The following SUPT6H variants were observed in gnomAD, a reference collection of about 807,000 sequenced individuals.
SUPT6H encodes the protein transcription elongation factor SPT6.
Under a neutral mutation model 222.3 loss-of-function variants are expected in SUPT6H, and 11 were observed. The ratio of observed to expected loss-of-function variants is 0.05; its 90% CI spans 0.03 to 0.08. The LOEUF is 0.08. Among genes scored for constraint, SUPT6H ranks in the 10% least tolerant of loss-of-function variants. The probability of loss-of-function intolerance (pLI) is 1.00; values close to 1 mark genes in which losing one functional copy is unlikely to be tolerated. For missense variants in SUPT6H, 1,422 were observed against 2,216.0 expected, an observed-to-expected ratio of 0.64 and a Z score of 7.19; for synonymous variants, 762 against 801.2, an observed-to-expected ratio of 0.95 and a Z score of 0.83.
intron 17 of SUPT6H, 58 bp from the exon 18 acceptor site, chr17:28,684,528 G>A (rs1315579792): frequency 1.7e-5 from 27 of 1,601,336 alleles, no homozygotes; most frequent in Non-Finnish European, 2.2e-5. Flanking sequence ...CACTCTTGGT[G>A]AGCCTGATGA....
At chr17:28,664,999 A>G (rs2029931097) in intron 1 of SUPT6H, among the ~76,000 whole-genome samples, 1 of 152,168 alleles carries the variant, frequency 6.6e-6, no homozygotes, top group South Asian at 2.1e-4. Context: ...GGCTACCACA[A>G]CAGTATCTTC....
chr17:28,677,217 CAA>C (rs770661947), intron 7 of SUPT6H, among the ~76,000 whole-genome samples: 13 of 132,234 alleles, frequency 9.8e-5, no homozygotes, highest in South Asian at 2.4e-4. Context: ...TACTAAAATA[CAA>C]AAAAAAAAAA....
rs1454921107 is a variant in SUPT6H, at chr17:28,686,434, A to G, written c.2564+19A>G. On this transcript the variant is annotated intron_variant, in intron 20 of 36. Transcript: ENST00000314616. ...AGAACAGGTAGGTAGGGATTAGACC[A>G]CACCTGGTTTAAGGCCGTGACCCAA... The G allele has an allele frequency of 7.4e-6, 12 of 1,611,766 alleles. No individual in the cohort carries two copies. Among genetic ancestry groups the G allele is most frequent in the Non-Finnish European group, 1.0e-5 (12 of 1,178,148 alleles).
intron 19 of SUPT6H, 77 bp downstream of exon 19, chr17:28,685,038 T>G: frequency 1.5e-6 from 2 of 1,359,384 alleles, no homozygotes; most frequent in Non-Finnish European, 2.0e-6. Context: ...GTGTTTACGG[T>G]CTAAGCAACA....
At chr17:28,700,830 G>A in intron 35 of SUPT6H, 111 bp from the exon 36 acceptor site, 1 of 1,323,064 alleles carries the variant, frequency 7.6e-7, no homozygotes, top group Non-Finnish European at 1.1e-6. Context: ...ATACTCAGTG[G>A]AAGATCATCT....
rs2031629769 is a variant in SUPT6H, at chr17:28,691,272, A to G, written c.3633+209A>G. On this transcript the variant is annotated intron_variant, in intron 27 of 36. Coordinates refer to ENST00000314616, the MANE Select transcript of SUPT6H (RefSeq NM_003170.5). ...CTGGGCACGGTGGCTCACGCCTATAATCCTAGCACTTTGGGGGCCAAGGTG... is the reference window on the plus strand; with the variant it reads ...CTGGGCACGGTGGCTCACGCCTATAGTCCTAGCACTTTGGGGGCCAAGGTG... 8 of 601,694 alleles carry G rather than the reference A, an allele frequency of 1.3e-5. No homozygotes were observed. The Admixed American group carries it at 1.9e-4, about 14-fold the overall frequency. 37.3% of individuals were successfully genotyped at this position (601,694 alleles called of 1,614,324 possible). A position where few individuals can be genotyped will look rare whatever the true frequency, so the allele number is the denominator to read the frequency against.
chr17:28,690,276 C>CTG (rs1567699996), intron 26 of SUPT6H, 47 bp downstream of exon 26: 1 of 1,602,948 alleles, frequency 6.2e-7, no homozygotes, highest in Admixed American at 1.7e-5. Flanking sequence ...GGTGTGTTTA[C>CTG]TGTGTACATT....
chr17:28,672,145 T>C (rs1206096985), intron 1 of SUPT6H, among the ~76,000 whole-genome samples: 1 of 152,226 alleles, frequency 6.6e-6, no homozygotes, highest in Non-Finnish European at 1.5e-5. Context: ...AGATTTTGCT[T>C]TTGACTTTGC....
intron 35 of SUPT6H, 46 bp from the exon 36 acceptor site, chr17:28,700,895 A>C (rs2032102376): frequency 6.4e-7 from 1 of 1,563,152 alleles, no homozygotes; most frequent in African/African-American, 1.4e-5. Context: ...AGCAAGGCCA[A>C]ACAAGCCCCA....
intron 28 of SUPT6H, 84 bp from the exon 29 acceptor site, chr17:28,695,268 G>T: frequency 7.0e-7 from 1 of 1,418,894 alleles, no homozygotes; most frequent in East Asian, 2.4e-5. Context: ...CTTTCTGCCT[G>T]GACTTTGGTT....
intron 6 of SUPT6H, among the ~76,000 whole-genome samples, chr17:28,675,813 C>T (rs746425292): frequency 1.3e-5 from 2 of 152,024 alleles, no homozygotes; most frequent in Non-Finnish European, 2.9e-5. Flanking sequence ...GACAAATGCC[C>T]GCATCACAAT....
At chr17:28,666,368 G>C (rs1342168303) in intron 1 of SUPT6H, among the ~76,000 whole-genome samples, 1 of 152,128 alleles carries the variant, frequency 6.6e-6, no homozygotes, top group South Asian at 2.1e-4. Context: ...GAAAAGGAAA[G>C]GTTTGCCAAC....
rs1167520653 is a variant in SUPT6H at position 28,678,532 on chromosome 17, T to G, written c.1117-13T>G. ...GTCTTCTCTGAGTGACTGCAGTCTC[T>G]TTGCCATCCTAGGTGCCTTTTATTG... On this transcript the variant is annotated splice_polypyrimidine_tract_variant and intron_variant, in intron 9 of 36. Coordinates refer to ENST00000314616, the MANE Select transcript of SUPT6H (RefSeq NM_003170.5). 1 of 1,613,716 alleles carries G rather than the reference T, an allele frequency of 6.2e-7. No individual in the cohort carries two copies. Among genetic ancestry groups the G allele is most frequent in the Admixed American group, 1.7e-5 (1 of 59,988 alleles).
rs747523601 is a variant in SUPT6H, at chr17:28,700,201, C to T, written c.4590C>T (p.Thr1530=). The change falls in exon 34 of 37, where the codon ACC becomes ACT. Residue 1530 remains threonine (T), a synonymous_variant. Transcript: ENST00000314616. ...TCACCCCTAGCAGCAGCAGCAGGAC[C>T]CGGACACCTGCCTCTATCAATGCTA... ...PGITPSSSSR[T]RTPASINATP... 1.1e-5 allele frequency: 18 copies of T among 1,614,084 alleles called. No individual in the cohort carries two copies. The South Asian group carries it at 1.8e-4, about 16-fold the overall frequency.
At chr17:28,682,007 G>A in intron 13 of SUPT6H, 27 bp downstream of exon 13, 2 of 1,578,282 alleles carry the variant, frequency 1.3e-6, no homozygotes, top group African/African-American at 1.3e-5. Context: ...TTGGGATTTA[G>A]GCATTCTAGC....
At chr17:28,699,732 T>G (rs200985862) in intron 32 of SUPT6H, 49 bp from the exon 33 acceptor site, 49 of 1,511,246 alleles carry the variant, frequency 3.2e-5, no homozygotes, top group African/African-American at 1.9e-4. Flanking sequence ...GTCGCTCTTG[T>G]GGTGGGTCCC....
Position 28,682,819 on chromosome 17 carries a change from G to T in SUPT6H, c.1690G>T (p.Ala564Ser). The change falls in exon 14 of 37, where the codon GCG (alanine) becomes TCG (serine). Residue 564 changes from alanine (A) to serine (S), a missense_variant. Physicochemically the swap from Ala to Ser is moderately conservative, Grantham distance 99. Around this residue, in one of 13 missense-constraint regions of SUPT6H, gnomAD observed 121 missense variants for 158.0 expected, o/e 0.77. Coordinates refer to ENST00000314616, the MANE Select transcript of SUPT6H (RefSeq NM_003170.5). ...YQRHETEQFP[A>S]EPLELAKDYV... ...GCGGCACGAGACAGAGCAGTTTCCC[G>T]CGGAGCCCTTGGAGCTGGCCAAGGA... 1.2e-6 allele frequency: 2 copies of T among 1,614,166 alleles called. No individual in the cohort carries two copies. The highest frequency in any genetic ancestry group is 1.7e-6 in the Non-Finnish European group (2 of 1,180,032).
At chr17:28,683,961 G>A (rs556214099) in intron 17 of SUPT6H, 145 bp downstream of exon 17, 41 of 623,916 alleles carry the variant, frequency 6.6e-5, no homozygotes, top group East Asian at 1.3e-4. Context: ...TCAGCCTCCC[G>A]AGTACCTGGG....
Position 28,700,513 on chromosome 17 carries a change from G to A in SUPT6H, c.4806+1G>A, listed in dbSNP as rs2032089425. On this transcript the variant is annotated splice_donor_variant, in intron 35 of 36. Transcript: ENST00000314616. LOFTEE classifies it high-confidence loss of function. Reference sequence around the variant, plus strand: ...TGGAGGCGGCAGCAGTGCTTACCACGTATGTGGCTTGGGGAGGAAGCTCCC... The same window carrying A: ...TGGAGGCGGCAGCAGTGCTTACCACATATGTGGCTTGGGGAGGAAGCTCCC... 2 of 1,612,998 alleles carry A rather than the reference G, an allele frequency of 1.2e-6. No homozygotes were observed. Among genetic ancestry groups the A allele is most frequent in the Non-Finnish European group, 1.7e-6 (2 of 1,179,288 alleles).
Sources: allele counts gnomAD v4.1 joint callset (sites outside exome capture counted in the v4.1 genomes callset), GRCh38; gene constraint gnomAD v4.1.1; regional missense constraint gnomAD v4.1.1; transcripts MANE v1.5; gene names NCBI Gene and HGNC (gene_info 2026-07-23, HGNC 2026-07-21).